The following CAPN3 variants were observed in gnomAD, a reference collection of about 807,000 sequenced individuals.
The protein encoded by CAPN3 is calpain 3.
CAPN3 carries 88 observed loss-of-function variants against 114.0 expected under a neutral mutation model. The ratio of observed to expected loss-of-function variants is 0.77; its 90% confidence interval spans 0.65 to 0.92. CAPN3 has a LOEUF of 0.92. Ranked by LOEUF, CAPN3 falls within the 40% of genes least tolerant of loss-of-function variation. The pLI is 0.00. For missense variants in CAPN3, 1,028 were observed against 1,069.0 expected, an observed-to-expected ratio of 0.96 and a Z score of 0.53; for synonymous variants, 386 against 382.9, an observed-to-expected ratio of 1.01 and a Z score of -0.09.
intron 12 of CAPN3, chr15:42,402,377 C>T: frequency 6.9e-7 from 1 of 1,454,292 alleles, no homozygotes; most frequent in Non-Finnish European, 9.0e-7. Context: ...ACACACATGC[C>T]TTTGCACACT....
In CAPN3 at chr15:42,388,316, T is replaced by A. The variant is rs544161673; in HGVS notation, c.632+430T>A. On this transcript the variant is annotated intron_variant, in intron 4 of 23. Coordinates refer to ENST00000397163, the MANE Select transcript of CAPN3 (RefSeq NM_000070.3). The stretch of plus-strand genomic sequence containing the variant: ...AGATGCTAATAATGGATTTTTTAAA[T>A]TTTTTTGAAACAAGGTCTCACTCTG... 2.0e-5 allele frequency among the ~76,000 whole-genome samples: 3 copies of A among 152,166 alleles called. No homozygotes were observed. The East Asian group carries it at 5.8e-4, about 29-fold the overall frequency.
Position 42,386,261 on chromosome 15 carries a change from C to T in CAPN3, c.474C>T (p.Asn158=). 6.2e-7 allele frequency: 1 copy of T among 1,613,262 alleles called. No individual in the cohort carries two copies. The highest frequency in any genetic ancestry group is 8.5e-7 in the Non-Finnish European group (1 of 1,179,200). Residue 158 remains asparagine (N), a synonymous_variant, in exon 3 of 24, where the codon AAC becomes AAT. Coordinates refer to ENST00000397163, the MANE Select transcript of CAPN3 (RefSeq NM_000070.3). ...VIPHDQSFIE[N]YAGIFHFQFW... is the part of the protein sequence containing the mutation. Reference sequence around the variant, plus strand: ...CCCATGATCAAAGTTTCATCGAAAACTACGCAGGGATCTTCCACTTCCAGG... The same window carrying T: ...CCCATGATCAAAGTTTCATCGAAAATTACGCAGGGATCTTCCACTTCCAGG...
chr15:42,391,470 G>A (rs2053554791), intron 6 of CAPN3, among the ~76,000 whole-genome samples: 1 of 152,148 alleles, frequency 6.6e-6, no homozygotes, highest in African/African-American at 2.4e-5. Context: ...TGGATCATGA[G>A]GACTGAGATC....
intron 1 of CAPN3, among the ~76,000 whole-genome samples, chr15:42,360,578 T>C (rs2052616147): frequency 6.6e-6 from 1 of 152,218 alleles, no homozygotes; most frequent in Non-Finnish European, 1.5e-5. Flanking sequence ...TGGCCATATC[T>C]TTCTGAAACA....
chr15:42,385,620 GAAT>G, intron 2 of CAPN3: 1 of 513,732 alleles, frequency 1.9e-6, no homozygotes, highest in South Asian at 1.4e-5. Flanking sequence ...GAGGTTCAGA[GAAT>G]AAGAAAACGT....
chr15:42,402,451 C>T (rs1016775921), intron 12 of CAPN3: 69 of 1,428,042 alleles, frequency 4.8e-5, no homozygotes, highest in African/African-American at 8.6e-5. Context: ...GGTGGCTGCC[C>T]GCTTGGGATG....
intron 3 of CAPN3, among the ~76,000 whole-genome samples, chr15:42,387,102 G>A (rs1271231347): frequency 6.6e-6 from 1 of 152,118 alleles, no homozygotes; most frequent in Non-Finnish European, 1.5e-5. Flanking sequence ...GATCTAAAGG[G>A]CCTTACATAC....
At chr15:42,369,086 A>C (rs2052865557) in intron 1 of CAPN3, among the ~76,000 whole-genome samples, 1 of 152,198 alleles carries the variant, frequency 6.6e-6, no homozygotes, top group South Asian at 2.1e-4. Flanking sequence ...TTAAGGGTTC[A>C]GGGTGAGAGA....
intron 16 of CAPN3, chr15:42,408,656 C>T (rs913534515): frequency 2.7e-6 from 1 of 376,534 alleles, no homozygotes; most frequent in Non-Finnish European, 5.1e-6. Context: ...TCCTGGTGGC[C>T]TTGAGCATTT....
At chr15:42,405,045 G>T (rs772367611) in intron 14 of CAPN3, 8 of 985,160 alleles carry the variant, frequency 8.1e-6, no homozygotes, top group African/African-American at 1.7e-5. Context: ...CTCCAGTGTC[G>T]AGGGTCAACA....
Position 42,387,762 on chromosome 15 carries a change from T to A in CAPN3, c.508T>A (p.Tyr170Asn). ...AGIFHFQFWRYGEWVDVVIDD... is the reference protein window; with the variant it reads ...AGIFHFQFWRNGEWVDVVIDD... ...TGACGCTTCTGTGCAGTTCTGGCGC[T>A]ATGGAGAGTGGGTGGACGTGGTTAT... Residue 170 changes from tyrosine to asparagine, a missense_variant, in exon 4 of 24, where the codon TAT becomes AAT. Coordinates refer to ENST00000397163, the MANE Select transcript of CAPN3 (RefSeq NM_000070.3). 1 of 1,614,182 alleles carries A rather than the reference T, an allele frequency of 6.2e-7. No homozygotes were observed.
chr15:42,368,665 G>A (rs780170785), intron 1 of CAPN3, among the ~76,000 whole-genome samples: 19 of 152,154 alleles, frequency 1.2e-4, no homozygotes, highest in African/African-American at 3.1e-4. Context: ...TGTTCTCAGC[G>A]TTATTATAAA....
At position 42,384,423 on chromosome 15, in the gene CAPN3, A is replaced by G. The variant is rs528409383; in HGVS notation, c.310-60A>G. ...GAGACTCCGTCTCAAAAAAATACCT[A>G]TCTATCTATCTGTCTATCTACTGTT... On this transcript the variant is annotated intron_variant, in intron 1 of 23. Coordinates refer to ENST00000397163, the MANE Select transcript of CAPN3 (RefSeq NM_000070.3). 66 of 1,213,380 alleles carry G rather than the reference A, an allele frequency of 5.4e-5. No homozygotes were observed. The South Asian group carries it at 5.8e-4, about 11-fold the overall frequency. 75.2% of individuals were successfully genotyped at this position (1,213,380 alleles called of 1,614,324 possible).
intron 2 of CAPN3, among the ~76,000 whole-genome samples, chr15:42,384,822 C>T (rs933128597): frequency 6.6e-6 from 1 of 152,134 alleles, no homozygotes; most frequent in Non-Finnish European, 1.5e-5. Context: ...ACTTACATAC[C>T]CCACTCAGCA....
At chr15:42,403,896 G>C in intron 14 of CAPN3, 119 bp downstream of exon 14, 1 of 933,806 alleles carries the variant, frequency 1.1e-6, no homozygotes, top group Admixed American at 1.7e-5. Flanking sequence ...TCTGGGCTGT[G>C]CTGAGCAGTC....
chr15:42,409,400 G>C lies in CAPN3; in HGVS notation c.1992+20G>C. The C allele has an allele frequency of 6.2e-7, 1 of 1,606,894 alleles. No individual in the cohort carries two copies. The highest frequency in any genetic ancestry group is 1.1e-5 in the South Asian group (1 of 90,860). The stretch of plus-strand genomic sequence containing the variant: ...GGAGATGTGAGTACCTCCAAGCCCA[G>C]GACGCCCACAGGTGCTTCCTTCTCT... On this transcript the variant is annotated intron_variant, in intron 17 of 23. Transcript: ENST00000397163.
chr15:42,402,441 G>A, intron 12 of CAPN3: 1 of 1,431,120 alleles, frequency 7.0e-7, no homozygotes. Flanking sequence ...GCGTTCTGAG[G>A]GTGGCTGCCC....
At chr15:42,404,975 G>A (rs1294577752) in intron 14 of CAPN3, 6 of 994,088 alleles carry the variant, frequency 6.0e-6, no homozygotes, top group Non-Finnish European at 7.2e-6. Flanking sequence ...GCAGGCAGGT[G>A]CAGGGGTTTT....
At chr15:42,407,715 G>A (rs755144284) in intron 15 of CAPN3, among the ~76,000 whole-genome samples, 5 of 152,176 alleles carry the variant, frequency 3.3e-5, no homozygotes, top group African/African-American at 7.2e-5. Flanking sequence ...CCACTAATCC[G>A]TGTCCTTTTT....
Sources: gnomAD v4.1 joint callset for allele counts (sites outside exome capture counted in the v4.1 genomes callset) on GRCh38, gnomAD v4.1.1 for gene constraint, MANE v1.5 for transcripts, NCBI Gene and HGNC (gene_info 2026-07-23, HGNC 2026-07-21) for gene names.